Variants in ABCA12 observed in about 807,000 individuals in gnomAD.
ABCA12 encodes ATP binding cassette subfamily A member 12.
In ABCA12, 156 loss-of-function variants were observed where a neutral mutation model predicts 293.5. The observed-to-expected ratio is 0.53, with a 90% CI of 0.47 to 0.61. The LOEUF (loss-of-function observed/expected upper bound fraction) is 0.61, where lower values mean the gene tolerates loss of function less well. Among genes scored for constraint, ABCA12 ranks in the 20% least tolerant of loss-of-function variants. ABCA12 has a pLI of 0.00. For missense variants in ABCA12, 2,797 were observed against 3,090.2 expected (o/e 0.91, Z 2.25); for synonymous variants, 1,063 against 1,108.0 (o/e 0.96, Z 0.81).
intron 23 of ABCA12, among the ~76,000 whole-genome samples, chr2:214,996,136 C>T (rs1003041361): frequency 6.6e-6 from 1 of 152,158 alleles, no homozygotes; most frequent in African/African-American, 2.4e-5. Context: ...AGCTACCAAA[C>T]AGAAACTGGT....
chr2:214,970,304 T>C lies in ABCA12; in HGVS notation c.5659A>G (p.Ile1887Val), dbSNP rs560838579. 3.7e-6 allele frequency: 6 copies of C among 1,613,082 alleles called. No homozygotes were observed. Among genetic ancestry groups the C allele is most frequent in the East Asian group, 4.5e-5 (2 of 44,776 alleles). ...TGGACAAACTCATTTGCAGTTGATATAAGATAATTTTCCACTCGTTGCCCA... is the reference window on the plus strand; with the variant it reads ...TGGACAAACTCATTTGCAGTTGATACAAGATAATTTTCCACTCGTTGCCCA... ...LTGQRVENYL[I>V]STANEFVQKR... is the part of the protein sequence containing the mutation. The change falls in exon 37 of 53, where the codon ATA (isoleucine) becomes GTA (valine). Residue 1887 changes from isoleucine to valine, a missense_variant. Around this residue, in one of 3 missense-constraint regions of ABCA12, gnomAD observed 2,130 missense variants for 2,427.0 expected, o/e 0.88. Transcript: ENST00000272895.
intron 30 of ABCA12, 142 bp from the exon 31 acceptor site, chr2:214,980,785 A>G: frequency 9.1e-7 from 1 of 1,094,354 alleles, no homozygotes; most frequent in Non-Finnish European, 1.4e-6. Context: ...CTGACCTCAA[A>G]GAGCTTCCAA....
At chr2:215,112,387 G>C (rs1702591099) in intron 1 of ABCA12, among the ~76,000 whole-genome samples, 3 of 148,214 alleles carry the variant, frequency 2.0e-5, no homozygotes, top group Admixed American at 2.0e-4. Context: ...TTCATTTATG[G>C]TAGGGGCAGT....
At chr2:215,018,442 T>C (rs1459363361) in intron 13 of ABCA12, among the ~76,000 whole-genome samples, 1 of 152,230 alleles carries the variant, frequency 6.6e-6, no homozygotes, top group Non-Finnish European at 1.5e-5. Flanking sequence ...CATAATGCAC[T>C]AAATAAATAT....
intron 36 of ABCA12, 85 bp from the exon 37 acceptor site, chr2:214,970,485 G>A (rs1021352857): frequency 2.7e-6 from 4 of 1,498,404 alleles, no homozygotes; most frequent in Non-Finnish European, 3.7e-6. Context: ...TCAGTCTCAT[G>A]ATTTGTCTAT....
At chr2:215,063,158 T>G (rs954460232) in intron 3 of ABCA12, among the ~76,000 whole-genome samples, 1 of 152,000 alleles carries the variant, frequency 6.6e-6, no homozygotes, top group African/African-American at 2.4e-5. Context: ...TCTTAACATG[T>G]TTATATTTTT....
rs1663676211 is a variant in ABCA12 at position 214,976,028 on chromosome 2, A to G, written c.5138T>C (p.Leu1713Pro). Reference protein sequence around the residue: ...SNFTDRDDKILTRGERLDGFG... With the variant: ...SNFTDRDDKIPTRGERLDGFG... ...GCCATCCAGCCTCTCTCCTCTTGTC[A>G]GGATTTTGTCTGATTAAGAAAAAGA... The change falls in exon 34 of 53, where the codon CTG becomes CCG. Residue 1713 changes from leucine (L) to proline (P), a missense_variant. Coordinates refer to ENST00000272895, the MANE Select transcript of ABCA12 (RefSeq NM_173076.3). The G allele has an allele frequency of 6.2e-7, 1 of 1,613,914 alleles. No homozygotes were observed. The highest frequency in any genetic ancestry group is 8.5e-7 in the Non-Finnish European group (1 of 1,179,972).
At position 215,090,235 on chromosome 2, in the gene ABCA12, C is replaced by T. The variant is rs550648173; in HGVS notation, c.163+21362G>A. The stretch of plus-strand genomic sequence containing the variant: ...CTTTTCGGAATCAGCCCACCTGCAC[C>T]CAGGTAATTAAAAAGCTTTATTGCT... On this transcript the variant is annotated intron_variant, in intron 2 of 52. Transcript: ENST00000272895. Among the ~76,000 whole-genome samples, 3 of 152,254 alleles carry T rather than the reference C, an allele frequency of 2.0e-5. 1 individual carries two copies. The South Asian group carries it at 6.2e-4, about 32-fold the overall frequency.
chr2:215,105,920 GAAC>G (rs893584251), intron 2 of ABCA12, among the ~76,000 whole-genome samples: 60 of 152,208 alleles, frequency 3.9e-4, no homozygotes, highest in African/African-American at 1.2e-3. Flanking sequence ...GAGCTCCTCA[GAAC>G]AACAACAACA....
chr2:214,999,989 A>G (rs573503457), intron 22 of ABCA12: 54 of 196,026 alleles, frequency 2.8e-4, no homozygotes, highest in Non-Finnish European at 4.3e-4. Flanking sequence ...TTCAGCCTCA[A>G]GCTTTTATAT....
In ABCA12 at chr2:215,138,157, CT is replaced by C; in HGVS notation, c.51del (p.Gly18ValfsTer2). The C allele has an allele frequency of 6.2e-7, 1 of 1,614,076 alleles. No homozygotes were observed. On this transcript the variant is annotated frameshift_variant, in exon 1 of 53. Coordinates refer to ENST00000272895, the MANE Select transcript of ABCA12 (RefSeq NM_173076.3). LOFTEE classifies it high-confidence loss of function. The stretch of plus-strand genomic sequence containing the variant: ...TAACTCACCGGCTGCCTTTTTACAC[CT>C]AGCCAATTTTTCCAGACCAGGATCT... ...QLQILVWKNW[L>X]GVKRQPLWTL... is the part of the protein sequence containing the mutation.
Position 215,001,636 on chromosome 2 carries a change from G to T in ABCA12, c.2785C>A (p.Arg929Ser). ...TCTATGGTTTTTGCTGCCTGAATAC[G>T]GTCATATAATACACAAGAGGAAATA... ...VNISSCVLYD[R>S]IQAAKTIDEM... The change falls in exon 21 of 53, where the codon CGT becomes AGT. Residue 929 changes from arginine to serine, a missense_variant. Arg to Ser is a moderately radical substitution (Grantham distance 110, BLOSUM62 -1). Around this residue, in one of 3 missense-constraint regions of ABCA12, gnomAD observed 2,130 missense variants for 2,427.0 expected, o/e 0.88. Transcript: ENST00000272895. The T allele has an allele frequency of 6.2e-7, 1 of 1,613,604 alleles. No individual in the cohort carries two copies. The highest frequency in any genetic ancestry group is 8.5e-7 in the Non-Finnish European group (1 of 1,179,802).
At chr2:215,046,114 A>G (rs1701197256) in intron 6 of ABCA12, 99 bp from the exon 7 acceptor site, 1 of 1,266,802 alleles carries the variant, frequency 7.9e-7, no homozygotes, top group African/African-American at 1.5e-5. Flanking sequence ...AGATTTTCAC[A>G]TAAGCAATTC....
At position 215,049,733 on chromosome 2, in the gene ABCA12, C is replaced by T. The variant is rs1037344885; in HGVS notation, c.586G>A (p.Ala196Thr). The stretch of plus-strand genomic sequence containing the variant: ...CTTCCTAGAAAGGTCCAAGAGAAGG[C>T]ATCATCCACAATGTATCCTGAATAG... ...DSYSGYIVDD[A>T]FSWTFLGRNV... is the part of the protein sequence containing the mutation. Residue 196 changes from alanine (A) to threonine (T), a missense_variant, in exon 6 of 53, where the codon GCC (alanine) becomes ACC (threonine). Coordinates refer to ENST00000272895, the MANE Select transcript of ABCA12 (RefSeq NM_173076.3). The T allele has an allele frequency of 2.5e-6, 4 of 1,613,496 alleles. No individual in the cohort carries two copies. The highest frequency in any genetic ancestry group is 1.7e-5 in the Admixed American group (1 of 59,960).
At chr2:215,055,435 TG>T (rs1361914269) in intron 3 of ABCA12, among the ~76,000 whole-genome samples, 1 of 152,076 alleles carries the variant, frequency 6.6e-6, no homozygotes, top group Non-Finnish European at 1.5e-5. Context: ...TCTTGAAAAC[TG>T]GATGTATCTA....
At chr2:215,042,836 A>G (rs1413696231) in intron 7 of ABCA12, among the ~76,000 whole-genome samples, 2 of 152,080 alleles carry the variant, frequency 1.3e-5, no homozygotes, top group African/African-American at 4.8e-5. Flanking sequence ...CCCTTGATCA[A>G]CCTTCCCTCA....
chr2:215,017,884 G>T, intron 14 of ABCA12, 124 bp downstream of exon 14: 1 of 1,376,102 alleles, frequency 7.3e-7, no homozygotes, highest in Non-Finnish European at 1.0e-6. Flanking sequence ...TTTATCACTT[G>T]CATAGAAAAT....
At position 215,064,078 on chromosome 2, in the gene ABCA12, A is replaced by C; in HGVS notation, c.305T>G (p.Leu102Arg). ...GAAGTGCCCCCACCTGTCTTTAAATAGTGCATCATCAATTCCTTTCCTACG... is the reference window on the plus strand; with the variant it reads ...GAAGTGCCCCCACCTGTCTTTAAATCGTGCATCATCAATTCCTTTCCTACG... ...LLRRKGIDDA[L>R]FKDSEILRKS... is the part of the protein sequence containing the mutation. Residue 102 changes from leucine to arginine, a missense_variant, in exon 3 of 53, where the codon CTA becomes CGA. Physicochemically the swap from Leu to Arg is moderately radical, Grantham distance 102 (BLOSUM62 -2). Coordinates refer to ENST00000272895, the MANE Select transcript of ABCA12 (RefSeq NM_173076.3). 1.2e-6 allele frequency: 2 copies of C among 1,612,874 alleles called. No individual in the cohort carries two copies. The highest frequency in any genetic ancestry group is 1.7e-6 in the Non-Finnish European group (2 of 1,179,112).
intron 9 of ABCA12, 22 bp from the exon 10 acceptor site, chr2:215,026,960 T>C (rs541510749): frequency 3.3e-6 from 5 of 1,500,132 alleles, no homozygotes; most frequent in African/African-American, 1.4e-5. Flanking sequence ...GAAAAGAATA[T>C]AGAAATTAAG....
Sources: gnomAD v4.1 joint callset for allele counts (sites outside exome capture counted in the v4.1 genomes callset) on GRCh38, gnomAD v4.1.1 for gene constraint, gnomAD v4.1.1 regional missense constraint, MANE v1.5 for transcripts, NCBI Gene and HGNC (gene_info 2026-07-23, HGNC 2026-07-21) for gene names.